Variants in NEK10 observed in about 807,000 individuals in gnomAD.
NEK10 encodes the protein NIMA related kinase 10, also known as serine/threonine-protein kinase Nek10.
Under a neutral mutation model 159.8 loss-of-function variants are expected in NEK10, and 122 were observed. The observed-to-expected ratio is 0.76, with a 90% CI of 0.66 to 0.89. The LOEUF (loss-of-function observed/expected upper bound fraction) is 0.89. NEK10 is among the 40% of genes least tolerant of loss of function. The pLI is 0.00. For missense variants in NEK10, 1,342 were observed against 1,323.1 expected, an observed-to-expected ratio of 1.01 and a Z score of -0.22; for synonymous variants, 466 against 457.1, an observed-to-expected ratio of 1.02 and a Z score of -0.25.
chr3:27,291,431 T>G (rs2042986756), intron 17 of NEK10, 41 bp from the exon 18 acceptor site: 1 of 1,607,762 alleles, frequency 6.2e-7, no homozygotes, highest in African/African-American at 1.3e-5. Flanking sequence ...CTGTGATAAA[T>G]TACATCCTGA....
chr3:27,300,407 A>T (rs2043717874), intron 13 of NEK10, among the ~76,000 whole-genome samples: 1 of 152,088 alleles, frequency 6.6e-6, no homozygotes, highest in Admixed American at 6.5e-5. Flanking sequence ...ACCATGTGGA[A>T]CTGTAAGTCC....
chr3:27,278,165 A>G (rs2041904000), intron 22 of NEK10, among the ~76,000 whole-genome samples: 1 of 152,152 alleles, frequency 6.6e-6, no homozygotes, highest in Non-Finnish European at 1.5e-5. Context: ...CACAGGCTGT[A>G]TTTTGCCACT....
At chr3:27,306,523 C>T (rs1382762526) in intron 11 of NEK10, among the ~76,000 whole-genome samples, 1 of 152,156 alleles carries the variant, frequency 6.6e-6, no homozygotes, top group African/African-American at 2.4e-5. Flanking sequence ...ACACCCCCAC[C>T]TCACTCCCAC....
At chr3:27,290,228 T>C (rs185673082) in intron 19 of NEK10, among the ~76,000 whole-genome samples, 1 of 152,254 alleles carries the variant, frequency 6.6e-6, no homozygotes, top group African/African-American at 2.4e-5. Flanking sequence ...ATTTGAGGAA[T>C]GTTAACAGCT....
Position 27,344,273 on chromosome 3 carries a change from T to G in NEK10, c.361A>C (p.Arg121=), listed in dbSNP as rs2047399038. The change falls in exon 5 of 36, where the codon AGA becomes CGA. Residue 121 remains arginine, a splice_region_variant and synonymous_variant. Coordinates refer to ENST00000691995, the MANE Select transcript of NEK10 (RefSeq NM_001394966.1). ...CCTGTTTTCCAGGAACAATCTTACC[T>G]GCTTATGAGTCTATTTTTCACCAAG... ...TALVKNRLIS[R]EWVNRAPSIH... is the part of the protein sequence containing the mutation. 2.7e-6 allele frequency: 4 copies of G among 1,508,058 alleles called. No homozygotes were observed. Among genetic ancestry groups the G allele is most frequent in the Middle Eastern group, 1.7e-4 (1 of 5,840 alleles). 93.4% of individuals were successfully genotyped at this position (1,508,058 alleles called of 1,614,324 possible).
At chr3:27,161,842 T>C (rs555183580) in intron 30 of NEK10, among the ~76,000 whole-genome samples, 120 of 152,004 alleles carry the variant, frequency 7.9e-4, no homozygotes, top group African/African-American at 2.7e-3. Context: ...CCATCTAAAT[T>C]AAAAATACAA....
chr3:27,205,658 T>G (rs1455243220), intron 23 of NEK10, among the ~76,000 whole-genome samples: 1 of 139,538 alleles, frequency 7.2e-6, no homozygotes, highest in Non-Finnish European at 1.5e-5. Context: ...TAGCCATATG[T>G]AGAAAGCTGA....
At chr3:27,236,312 A>G (rs1006578726) in intron 23 of NEK10, among the ~76,000 whole-genome samples, 3 of 152,162 alleles carry the variant, frequency 2.0e-5, no homozygotes, top group Non-Finnish European at 2.9e-5. Flanking sequence ...AAGTAAATAA[A>G]TAAATGAAAT....
chr3:27,341,706 CA>C (rs1270291730), intron 5 of NEK10, among the ~76,000 whole-genome samples: 1 of 151,992 alleles, frequency 6.6e-6, no homozygotes. Flanking sequence ...GGAGTAATCA[CA>C]AATCAATCTT....
intron 30 of NEK10, among the ~76,000 whole-genome samples, chr3:27,144,591 T>G (rs1944114177): frequency 6.6e-6 from 1 of 152,226 alleles, no homozygotes; most frequent in Non-Finnish European, 1.5e-5. Context: ...CCAATCTGAT[T>G]GCTTTTGTAT....
chr3:27,304,795 T>C lies in NEK10; in HGVS notation c.980A>G (p.Glu327Gly). 6.2e-7 allele frequency: 1 copy of C among 1,613,938 alleles called. No individual in the cohort carries two copies. ...QVCEDPETSVEIRIWGGIKQL... is the reference protein window; with the variant it reads ...QVCEDPETSVGIRIWGGIKQL... The stretch of plus-strand genomic sequence containing the variant: ...TTTGATGCCTCCCCAAATGCGAATT[T>C]CCACGCTGGTCTCAGGGTCCTCACA... Residue 327 changes from glutamate to glycine, a missense_variant, in exon 12 of 36, where the codon GAA (glutamate) becomes GGA (glycine). Physicochemically the swap from Glu to Gly is moderately conservative, Grantham distance 98. Coordinates refer to ENST00000691995, the MANE Select transcript of NEK10 (RefSeq NM_001394966.1).
At chr3:27,319,055 G>A (rs2045428262) in intron 6 of NEK10, among the ~76,000 whole-genome samples, 2 of 152,184 alleles carry the variant, frequency 1.3e-5, no homozygotes, top group African/African-American at 2.4e-5. Flanking sequence ...GTGGTACAGT[G>A]TGTCTCCTGC....
At chr3:27,164,277 T>A (rs1946281861) in intron 29 of NEK10, among the ~76,000 whole-genome samples, 1 of 152,216 alleles carries the variant, frequency 6.6e-6, no homozygotes, top group African/African-American at 2.4e-5. Context: ...GCCCCAGGGC[T>A]GAGCTGAGGA....
chr3:27,245,758 A>G (rs948636403), intron 23 of NEK10, among the ~76,000 whole-genome samples: 2 of 152,194 alleles, frequency 1.3e-5, no homozygotes, highest in African/African-American at 4.8e-5. Context: ...CTAATTTCTT[A>G]ATTATTCAAT....
rs368966915 is a variant in NEK10, at chr3:27,192,242, C to T, written c.2292G>A (p.Arg764=). 1.3e-4 allele frequency: 205 copies of T among 1,610,812 alleles called. 4 individuals are homozygous for T. In the South Asian group the frequency reaches 2.1e-3, roughly 17 times the overall value. Residue 764 remains arginine (R), a splice_region_variant and synonymous_variant, in exon 26 of 36, where the codon AGG becomes AGA. Coordinates refer to ENST00000691995, the MANE Select transcript of NEK10 (RefSeq NM_001394966.1). ...YSEKVTDTIS[R]CLTPDAEARP... ...GAGCTTCCGCATCAGGAGTGAGGCA[C>T]CTAAGATAACATGAGATAATTATAA...
intron 20 of NEK10, 32 bp downstream of exon 20, chr3:27,287,666 T>C: frequency 6.4e-7 from 1 of 1,551,382 alleles, no homozygotes; most frequent in Non-Finnish European, 8.7e-7. Flanking sequence ...AATGTTTCCT[T>C]ATTTAGAAAT....
At chr3:27,128,866 A>G (rs1296400191) in intron 32 of NEK10, among the ~76,000 whole-genome samples, 1 of 152,096 alleles carries the variant, frequency 6.6e-6, no homozygotes, top group Admixed American at 6.6e-5. Context: ...TTCCTGCTCT[A>G]GACCAAAATC....
At chr3:27,167,726 T>G (rs1254700452) in intron 29 of NEK10, among the ~76,000 whole-genome samples, 3 of 152,170 alleles carry the variant, frequency 2.0e-5, no homozygotes, top group Admixed American at 2.0e-4. Flanking sequence ...AGTTGGAAAT[T>G]TCAAAGAAAT....
chr3:27,329,439 A>G (rs1355693399), intron 5 of NEK10, among the ~76,000 whole-genome samples: 1 of 152,110 alleles, frequency 6.6e-6, no homozygotes, highest in African/African-American at 2.4e-5. Context: ...GTTGATTTTT[A>G]GCTGTGGAAA....
Sources: allele counts gnomAD v4.1 joint callset (sites outside exome capture counted in the v4.1 genomes callset), GRCh38; gene constraint gnomAD v4.1.1; transcripts MANE v1.5; gene names NCBI Gene and HGNC (gene_info 2026-07-23, HGNC 2026-07-21).